DAD1: variants seen among roughly 807,000 people sequenced by gnomAD.
DAD1 encodes the protein dolichyl-diphosphooligosaccharide--protein glycosyltransferase subunit DAD1.
Under a neutral mutation model 9.0 loss-of-function variants are expected in DAD1, and 4 were observed. The ratio of observed to expected loss-of-function variants is 0.44; its 90% CI spans 0.22 to 1.01. DAD1 has a LOEUF of 1.01. DAD1 is among the 50% of genes least tolerant of loss of function. DAD1 has a pLI of 0.24. For synonymous variants in DAD1, 60 were observed against 62.5 expected, an observed-to-expected ratio of 0.96 and a Z score of 0.19; for missense variants, 119 against 137.3, an observed-to-expected ratio of 0.87 and a Z score of 0.67.
At chr14:22,569,412 A>ACTGCACT in intron 2 of DAD1, among the ~76,000 whole-genome samples, 3 of 150,876 alleles carry the variant, frequency 2.0e-5, no homozygotes, top group Non-Finnish European at 4.4e-5. Context: ...CAGCCTGGAC[A>ACTGCACT]ACAAAGCGAG....
intron 2 of DAD1, among the ~76,000 whole-genome samples, chr14:22,568,272 A>G (rs2037014341): frequency 6.6e-6 from 1 of 152,238 alleles, no homozygotes; most frequent in Non-Finnish European, 1.5e-5. Context: ...TGATGTATGT[A>G]AAAGTATATG....
At chr14:22,585,485 A>G (rs1270952279) in intron 1 of DAD1, among the ~76,000 whole-genome samples, 3 of 152,214 alleles carry the variant, frequency 2.0e-5, no homozygotes, top group African/African-American at 7.2e-5. Context: ...ATAAACAGTC[A>G]GCTACTGGAT....
At chr14:22,588,874 T>G in intron 1 of DAD1, 73 bp downstream of exon 1, 1 of 1,474,562 alleles carries the variant, frequency 6.8e-7, no homozygotes, top group Non-Finnish European at 9.3e-7. Context: ...TGGTCTGATA[T>G]AGAGTACTAT....
intron 2 of DAD1, among the ~76,000 whole-genome samples, chr14:22,569,896 G>A (rs2037026830): frequency 1.3e-5 from 2 of 152,270 alleles, no homozygotes; most frequent in African/African-American, 2.4e-5. Context: ...CAGCTACACA[G>A]AAGCCTCAGG....
chr14:22,584,895 G>A (rs901090589), intron 1 of DAD1, among the ~76,000 whole-genome samples: 7 of 152,244 alleles, frequency 4.6e-5, no homozygotes, highest in South Asian at 4.1e-4. Context: ...ACCAGAGGCC[G>A]GAAGGCCAGT....
At position 22,564,956 on chromosome 14, in the gene DAD1, A is replaced by G; in HGVS notation, c.*226T>C. On this transcript the variant is annotated 3_prime_UTR_variant, in exon 3 of 3. Transcript: ENST00000250498. ...TTTGGAAGGCAAAAGGTTACATTTAATGAAAGGCAGAGGCTGGATTAATAA... is the reference window on the plus strand; with the variant it reads ...TTTGGAAGGCAAAAGGTTACATTTAGTGAAAGGCAGAGGCTGGATTAATAA... The G allele has an allele frequency of 1.7e-6, 1 of 601,936 alleles. No homozygotes were observed. Among genetic ancestry groups the G allele is most frequent in the South Asian group, 2.0e-5 (1 of 49,034 alleles). 37.3% of individuals were successfully genotyped at this position (601,936 alleles called of 1,614,324 possible).
chr14:22,585,590 A>G (rs914384963), intron 1 of DAD1, among the ~76,000 whole-genome samples: 12 of 152,228 alleles, frequency 7.9e-5, no homozygotes, highest in Non-Finnish European at 1.6e-4. Context: ...ACACACAAAA[A>G]AAGATCTCTC....
chr14:22,587,695 C>T (rs5742741), intron 1 of DAD1, among the ~76,000 whole-genome samples: 11,287 of 151,744 alleles, frequency 0.074, 484 homozygotes, highest in African/African-American at 0.12. Context: ...GTACAATAAG[C>T]ATTCTATAGG....
intron 1 of DAD1, among the ~76,000 whole-genome samples, chr14:22,580,620 T>C (rs1304174354): frequency 1.3e-5 from 2 of 152,082 alleles, no homozygotes; most frequent in Non-Finnish European, 2.9e-5. Flanking sequence ...GATAAGGTAA[T>C]AAATTGATGT....
chr14:22,570,716 C>T (rs1362497810), intron 2 of DAD1, among the ~76,000 whole-genome samples: 1 of 152,180 alleles, frequency 6.6e-6, no homozygotes, highest in African/African-American at 2.4e-5. Flanking sequence ...TCTGCCCAAC[C>T]CTGTAGCCCC....
At chr14:22,571,313 CAA>C (rs71115558) in intron 2 of DAD1, among the ~76,000 whole-genome samples, 15 of 115,318 alleles carry the variant, frequency 1.3e-4, no homozygotes, top group African/African-American at 1.1e-4. Flanking sequence ...GACTCTGTCT[CAA>C]AAAAAAAAAA....
intron 1 of DAD1, among the ~76,000 whole-genome samples, chr14:22,580,465 C>A (rs1243284136): frequency 6.6e-6 from 1 of 151,572 alleles, no homozygotes; most frequent in Non-Finnish European, 1.5e-5. Context: ...TAATGATATA[C>A]ATAATTATCT....
At chr14:22,583,191 C>A (rs2037129573) in intron 1 of DAD1, among the ~76,000 whole-genome samples, 1 of 151,690 alleles carries the variant, frequency 6.6e-6, no homozygotes. Flanking sequence ...CAGTTCAAAA[C>A]TAAAAATATA....
chr14:22,571,433 C>A (rs1008609262), intron 2 of DAD1, among the ~76,000 whole-genome samples: 1 of 151,652 alleles, frequency 6.6e-6, no homozygotes, highest in African/African-American at 2.4e-5. Context: ...TGGATTCATT[C>A]AAAAATATGC....
In DAD1 at chr14:22,565,024, C is replaced by G; in HGVS notation, c.*158G>C. On this transcript the variant is annotated 3_prime_UTR_variant, in exon 3 of 3. Transcript: ENST00000250498. ...GTTCTGACACACAGTGAACTCTGGG[C>G]TTTTCTCCTGCATAAAAAGCAGAGC... is the stretch of plus-strand genomic sequence containing the variant. 6 of 684,848 alleles carry G rather than the reference C, an allele frequency of 8.8e-6. No homozygotes were observed. Among genetic ancestry groups the G allele is most frequent in the Non-Finnish European group, 1.6e-5 (6 of 376,804 alleles). The allele number at this position is 684,848 out of a possible 1,614,324, so 42.4% of individuals were successfully genotyped here. A position where few individuals can be genotyped will look rare whatever the true frequency, so the allele number is the denominator to read the frequency against.
chr14:22,581,743 CAAA>C (rs59052046), intron 1 of DAD1, among the ~76,000 whole-genome samples: 5,319 of 35,910 alleles, frequency 0.15, 97 homozygotes, highest in African/African-American at 0.27. Context: ...AACTCCATCT[CAAA>C]AAAAAAAAAA....
chr14:22,588,711 A>G (rs988463649), intron 1 of DAD1, among the ~76,000 whole-genome samples: 5 of 152,198 alleles, frequency 3.3e-5, no homozygotes, highest in African/African-American at 1.2e-4. Context: ...CACCAAGTGG[A>G]GTAGCGGCAC....
At chr14:22,580,424 C>CAA (rs57299166) in intron 1 of DAD1, among the ~76,000 whole-genome samples, 1 of 146,878 alleles carries the variant, frequency 6.8e-6, no homozygotes, top group Non-Finnish European at 1.5e-5. Flanking sequence ...AAGACCGTCT[C>CAA]AAAAAAAAAG....
chr14:22,587,106 G>T (rs1466213578), intron 1 of DAD1, among the ~76,000 whole-genome samples: 2 of 152,168 alleles, frequency 1.3e-5, no homozygotes, highest in African/African-American at 4.8e-5. Context: ...TCAAAAACAG[G>T]TCTTGGCATA....
Sources: gnomAD v4.1 joint callset for allele counts (sites outside exome capture counted in the v4.1 genomes callset) on GRCh38, gnomAD v4.1.1 for gene constraint, MANE v1.5 for transcripts, NCBI Gene and HGNC (gene_info 2026-07-23, HGNC 2026-07-21) for gene names.